The following NHSL2 variants were observed in gnomAD, a reference collection of about 807,000 sequenced individuals.
NHSL2 encodes NHS-like protein 2.
A neutral mutation model predicts 53.4 loss-of-function variants in NHSL2; 27 were observed. The observed-to-expected ratio is 0.51, with a 90% CI of 0.37 to 0.70. The LOEUF (loss-of-function observed/expected upper bound fraction) is 0.70, where lower values mean the gene tolerates loss of function less well. Among genes scored for constraint, NHSL2 ranks in the 30% least tolerant of loss-of-function variants. The pLI, the probability that NHSL2 is intolerant of heterozygous loss-of-function variation, is 0.00. For synonymous variants in NHSL2, 408 were observed against 404.1 expected (o/e 1.01, Z -0.12); for missense variants, 892 against 980.1 (o/e 0.91, Z 1.20).
At chrX:72,039,947 C>T (rs930129711) in intron 1 of NHSL2, among the ~76,000 whole-genome samples, 4 of 111,782 alleles carry the variant, frequency 3.6e-5, no homozygotes, top group Non-Finnish European at 5.6e-5. Flanking sequence ...TTAGATACCT[C>T]GTCTCATTAA....
intron 1 of NHSL2, among the ~76,000 whole-genome samples, chrX:71,994,693 CT>C (rs1281917930): frequency 1.8e-5 from 2 of 111,861 alleles, no homozygotes; most frequent in Non-Finnish European, 3.8e-5. Flanking sequence ...GGGGAGCCAC[CT>C]GTGGGTTTGG....
chrX:72,084,665 G>A (rs1369982756), intron 1 of NHSL2, among the ~76,000 whole-genome samples: 6 of 112,222 alleles, frequency 5.3e-5, no homozygotes, highest in Non-Finnish European at 1.1e-4. Context: ...CCGCGGCTGA[G>A]GGAATAAGGC....
rs2042519762 is a variant in NHSL2, at chrX:72,152,231, C to A, written c.*8657C>A. ...GCTCAGATTCACATTTTCACATTTT[C>A]TCGTATAAACGTTGTGGGATAAGAA... On this transcript the variant is annotated 3_prime_UTR_variant, in exon 8 of 8. Coordinates refer to ENST00000633930, the MANE Select transcript of NHSL2 (RefSeq NM_001013627.3). The A allele has an allele frequency of 1.8e-5, 2 of 113,257 alleles. No individual in the cohort carries two copies. The highest frequency in any genetic ancestry group is 3.7e-5 in the Non-Finnish European group (2 of 53,388). The allele number at this position is 113,257 out of a possible 1,213,427, so 9.3% of individuals were successfully genotyped here.
chrX:72,143,559 T>A lies in NHSL2; in HGVS notation c.3663T>A (p.Asp1221Glu). 1.7e-6 allele frequency: 2 copies of A among 1,143,832 alleles called. No individual in the cohort carries two copies. The highest frequency in any genetic ancestry group is 6.5e-5 in the East Asian group (2 of 30,636). The allele number at this position is 1,143,832 out of a possible 1,213,427, so 94.3% of individuals were successfully genotyped here. Residue 1221 changes from aspartate (D) to glutamate (E), a missense_variant, in exon 8 of 8, where the codon GAT becomes GAA. Coordinates refer to ENST00000633930, the MANE Select transcript of NHSL2 (RefSeq NM_001013627.3). ...AQFSKDYETTDNPST is the reference protein window; with the variant it reads ...AQFSKDYETTENPST Reference sequence around the variant, plus strand: ...TTTCAAAAGACTATGAAACCACCGATAACCCCAGTACCTAAGCCCTGGGCT... The same window carrying A: ...TTTCAAAAGACTATGAAACCACCGAAAACCCCAGTACCTAAGCCCTGGGCT...
At chrX:71,934,814 G>A (rs1007023606) in intron 1 of NHSL2, among the ~76,000 whole-genome samples, 10 of 111,576 alleles carry the variant, frequency 9.0e-5, no homozygotes, top group African/African-American at 3.3e-4. Flanking sequence ...GAATAAAAGA[G>A]TCCAGGATGA....
At chrX:72,022,554 A>C (rs1191491770) in intron 1 of NHSL2, among the ~76,000 whole-genome samples, 1 of 111,145 alleles carries the variant, frequency 9.0e-6, no homozygotes, top group Non-Finnish European at 1.9e-5. Context: ...AGAGAGAGGA[A>C]GCAAGCTCTC....
rs1023286220 is a variant in NHSL2, at chrX:72,145,908, T to C, written c.*2334T>C. ...TGTTTGTCAGTTACCTTTAGTCTTG[T>C]TTTCCTCTACAATACTCTATATGCC... On this transcript the variant is annotated 3_prime_UTR_variant, in exon 8 of 8. Coordinates refer to ENST00000633930, the MANE Select transcript of NHSL2 (RefSeq NM_001013627.3). The C allele has an allele frequency of 8.9e-6, 1 of 112,737 alleles. No individual in the cohort carries two copies. The highest frequency in any genetic ancestry group is 3.2e-5 in the African/African-American group (1 of 31,034). 9.3% of individuals were successfully genotyped at this position (112,737 alleles called of 1,213,427 possible).
At position 72,092,479 on chromosome X, in the gene NHSL2, G is replaced by T. The variant is rs2041907790; in HGVS notation, c.281-39600G>T. ...AGTGCTCAGTGCAAAGCACCTCACGGGCCTCTGGGCACCCTCAGACCCAAC... is the reference window on the plus strand; with the variant it reads ...AGTGCTCAGTGCAAAGCACCTCACGTGCCTCTGGGCACCCTCAGACCCAAC... On this transcript the variant is annotated intron_variant, in intron 1 of 7. Transcript: ENST00000633930. 4.5e-5 allele frequency among the ~76,000 whole-genome samples: 5 copies of T among 111,832 alleles called. No homozygotes were observed. The South Asian group carries it at 1.5e-3, about 34-fold the overall frequency.
intron 1 of NHSL2, among the ~76,000 whole-genome samples, chrX:72,065,354 C>G (rs1467362202): frequency 1.8e-5 from 2 of 112,221 alleles, no homozygotes; most frequent in African/African-American, 6.5e-5. Context: ...GTTGCTGGGG[C>G]AGAGAAGGTT....
chrX:71,925,369 A>G (rs1402642165), intron 1 of NHSL2, among the ~76,000 whole-genome samples: 1 of 110,015 alleles, frequency 9.1e-6, no homozygotes, highest in Non-Finnish European at 1.9e-5. Context: ...TAAGTGCTCA[A>G]TACATATTTT....
At chrX:72,101,856 A>G (rs1167952623) in intron 1 of NHSL2, among the ~76,000 whole-genome samples, 2 of 111,565 alleles carry the variant, frequency 1.8e-5, no homozygotes, top group Non-Finnish European at 1.9e-5. Context: ...CTGCTTGGTC[A>G]CACAAGCTGT....
intron 1 of NHSL2, among the ~76,000 whole-genome samples, chrX:72,064,024 A>G (rs1345453033): frequency 2.7e-5 from 3 of 111,171 alleles, no homozygotes; most frequent in Non-Finnish European, 5.7e-5. Context: ...ACTTTTCACA[A>G]GCAGAGATGG....
chrX:71,993,596 A>C (rs1319412408), intron 1 of NHSL2, among the ~76,000 whole-genome samples: 2 of 111,655 alleles, frequency 1.8e-5, no homozygotes, highest in Admixed American at 1.9e-4. Context: ...GCTACTAACC[A>C]GCTGGCCAGG....
At chrX:72,108,584 TGA>T (rs1324091195) in intron 1 of NHSL2, among the ~76,000 whole-genome samples, 1 of 112,924 alleles carries the variant, frequency 8.9e-6, no homozygotes, top group East Asian at 2.8e-4. Flanking sequence ...GAGTGGTCAC[TGA>T]GCACAGAGAC....
At chrX:72,010,816 A>G (rs1481270153) in intron 1 of NHSL2, among the ~76,000 whole-genome samples, 1 of 111,971 alleles carries the variant, frequency 8.9e-6, no homozygotes, top group Admixed American at 9.4e-5. Context: ...TTGCAAAACT[A>G]TAGTACAATA....
chrX:72,137,249 C>T (rs1010440270), intron 5 of NHSL2, 24 bp downstream of exon 5: 2 of 1,142,858 alleles, frequency 1.7e-6, no homozygotes, highest in South Asian at 2.0e-5. Flanking sequence ...AGCTGATTCC[C>T]CAGTCCCTTC....
At chrX:72,004,525 G>A (rs918087160) in intron 1 of NHSL2, among the ~76,000 whole-genome samples, 2 of 112,063 alleles carry the variant, frequency 1.8e-5, no homozygotes, top group South Asian at 3.7e-4. Flanking sequence ...AGGGGAGTAA[G>A]GAAAAGCAGT....
intron 1 of NHSL2, among the ~76,000 whole-genome samples, chrX:71,986,213 C>G (rs1037073827): frequency 4.5e-5 from 5 of 111,664 alleles, no homozygotes; most frequent in African/African-American, 1.6e-4. Flanking sequence ...TTTAGGCAAC[C>G]TAATATCTAA....
intron 1 of NHSL2, among the ~76,000 whole-genome samples, chrX:72,036,441 T>G (rs1230106214): frequency 8.9e-6 from 1 of 112,656 alleles, no homozygotes; most frequent in Non-Finnish European, 1.9e-5. Flanking sequence ...TAAAGAAAGT[T>G]TAATTATGAC....
Sources: allele counts gnomAD v4.1 joint callset (sites outside exome capture counted in the v4.1 genomes callset), GRCh38; gene constraint gnomAD v4.1.1; transcripts MANE v1.5; gene names NCBI Gene and HGNC (gene_info 2026-07-23, HGNC 2026-07-21).